The following SERPINB8 variants were observed in gnomAD, a reference collection of about 807,000 sequenced individuals.
SERPINB8 encodes the protein serpin B8.
SERPINB8 carries 25 observed loss-of-function variants against 35.3 expected under a neutral mutation model. The observed-to-expected ratio is 0.71, with a 90% CI of 0.52 to 0.99. The LOEUF is 0.99. Ranked by LOEUF, SERPINB8 falls within the 50% of genes least tolerant of loss-of-function variation. SERPINB8 has a pLI of 0.00. For synonymous variants in SERPINB8, 186 were observed against 160.8 expected (o/e 1.16, Z -1.19); for missense variants, 484 against 446.5 (o/e 1.08, Z -0.76).
In SERPINB8 at chr18:63,987,152, T is replaced by C. The variant is rs545610336; in HGVS notation, c.999T>C (p.Ala333=). 1 of 1,614,220 alleles carries C rather than the reference T, an allele frequency of 6.2e-7. No individual in the cohort carries two copies. Among genetic ancestry groups the C allele is most frequent in the Admixed American group, 1.7e-5 (1 of 60,016 alleles). ...EEGTEAAAAT[A]VVRNSRCSRM... is the part of the protein sequence containing the mutation. ...GCACAGAGGCTGCCGCAGCCACTGC[T>C]GTGGTCAGGAATTCCCGGTGCAGCA... The change falls in exon 7 of 7, where the codon GCT becomes GCC. Residue 333 remains alanine (A), a synonymous_variant. Transcript: ENST00000397985.
downstream of SERPINB8, among the ~76,000 whole-genome samples, chr18:63,989,807 G>A (rs2050812328): frequency 6.6e-6 from 1 of 150,816 alleles, no homozygotes; most frequent in Non-Finnish European, 1.5e-5. Flanking sequence ...GCTGGGCGTA[G>A]TGGTGGGCGC....
downstream of SERPINB8, among the ~76,000 whole-genome samples, chr18:63,990,969 G>GA (rs2050822353): frequency 6.6e-6 from 1 of 152,144 alleles, no homozygotes; most frequent in Admixed American, 6.5e-5. Flanking sequence ...TGCATATGAT[G>GA]AAAATGCTAT....
In SERPINB8 at chr18:63,997,867, G is replaced by A. The variant is rs188632421; in HGVS notation, c.71-6952G>A. Among the ~76,000 whole-genome samples, 613 of 152,258 alleles carry A rather than the reference G, an allele frequency of 4.0e-3. 5 individuals carry two copies. The highest frequency in any genetic ancestry group is 7.3e-3 in the Non-Finnish European group (499 of 68,030). ...CAGAGAGCTCCCTATGCTGACAAAG[G>A]CAATGAGCCAATCAAGGCAATGAGC... On this transcript the variant is annotated intron_variant, in intron 1 of 1. Coordinates refer to the SERPINB8 transcript ENST00000493661.
chr18:64,003,067 A>G (rs2050883708), intron 1 of SERPINB8, among the ~76,000 whole-genome samples: 2 of 152,146 alleles, frequency 1.3e-5, no homozygotes, highest in Admixed American at 1.3e-4. Context: ...GCACCTGCCT[A>G]CTGACACCTG....
chr18:63,973,404 T>C (rs967374102), intron 1 of SERPINB8, among the ~76,000 whole-genome samples: 12 of 152,244 alleles, frequency 7.9e-5, no homozygotes, highest in African/African-American at 2.9e-4. Context: ...CTTTGTCAGA[T>C]GGGTAGATTG....
At position 63,978,406 on chromosome 18, in the gene SERPINB8, T is replaced by C. The variant is rs1223478047; in HGVS notation, c.98T>C (p.Met33Thr). 1.2e-6 allele frequency: 2 copies of C among 1,614,108 alleles called. No individual in the cohort carries two copies. The highest frequency in any genetic ancestry group is 1.7e-6 in the Non-Finnish European group (2 of 1,180,042). Reference sequence around the variant, plus strand: ...TCAAGAAACGTATTCTTCTCTCCCATGAGCATCTCCTCTGCCCTGGCCATG... The same window carrying C: ...TCAAGAAACGTATTCTTCTCTCCCACGAGCATCTCCTCTGCCCTGGCCATG... ...DNSRNVFFSP[M>T]SISSALAMVF... Residue 33 changes from methionine to threonine, a missense_variant, in exon 2 of 7, where the codon ATG (methionine) becomes ACG (threonine). By Grantham distance (81) the Met-to-Thr change is moderately conservative. Transcript: ENST00000397985.
downstream of SERPINB8, chr18:63,989,399 C>T (rs1263304462): frequency 6.6e-6 from 1 of 152,052 alleles, no homozygotes; most frequent in African/African-American, 2.4e-5. Flanking sequence ...CATATGTCTT[C>T]ATTTCTTTTG....
downstream of SERPINB8, among the ~76,000 whole-genome samples, chr18:64,008,404 G>C (rs1051083635): frequency 1.3e-5 from 2 of 151,742 alleles, no homozygotes; most frequent in Non-Finnish European, 2.9e-5. Flanking sequence ...CACCACGCGG[G>C]CTAATTTTTT....
intron 4 of SERPINB8, among the ~76,000 whole-genome samples, chr18:63,982,658 A>G (rs948574801): frequency 6.6e-6 from 1 of 152,164 alleles, no homozygotes; most frequent in Non-Finnish European, 1.5e-5. Context: ...TTGTGTTTTC[A>G]TACATCATCT....
downstream of SERPINB8, among the ~76,000 whole-genome samples, chr18:64,007,877 A>G (rs2050907694): frequency 1.3e-5 from 2 of 152,182 alleles, no homozygotes; most frequent in Admixed American, 6.5e-5. Flanking sequence ...ACACAGACCC[A>G]ACCCATATCA....
At chr18:64,004,915 G>A (rs2050892840) in exon 2 of SERPINB8, 10 of 398,282 alleles carry the variant, frequency 2.5e-5, no homozygotes, top group Non-Finnish European at 4.4e-5. Context: ...ATTGAATTGA[G>A]GGATATTCTA....
intron 1 of SERPINB8, among the ~76,000 whole-genome samples, chr18:63,994,452 G>A (rs1356372947): frequency 6.6e-6 from 1 of 152,140 alleles, no homozygotes; most frequent in Non-Finnish European, 1.5e-5. Flanking sequence ...AGAGGTGCTG[G>A]TGGTTCATCT....
intron 7 of SERPINB8, among the ~76,000 whole-genome samples, chr18:64,017,304 T>C (rs931495744): frequency 1.3e-5 from 2 of 152,196 alleles, no homozygotes; most frequent in African/African-American, 2.4e-5. Flanking sequence ...TGAATTCTAG[T>C]GTAATTTTAA....
intron 1 of SERPINB8, among the ~76,000 whole-genome samples, chr18:63,974,093 G>T (rs1328805874): frequency 2.0e-5 from 3 of 152,162 alleles, no homozygotes; most frequent in African/African-American, 7.2e-5. Context: ...AGCTTTTAAA[G>T]CCAGCTTCTC....
chr18:63,978,628 G>A (rs950710625), intron 2 of SERPINB8, 152 bp downstream of exon 2: 12 of 768,418 alleles, frequency 1.6e-5, no homozygotes, highest in Non-Finnish European at 2.5e-5. Flanking sequence ...GAAAGGGGTA[G>A]AAAGGTGAAA....
chr18:63,990,927 T>G (rs2050822206), downstream of SERPINB8, among the ~76,000 whole-genome samples: 1 of 152,254 alleles, frequency 6.6e-6, no homozygotes, highest in African/African-American at 2.4e-5. Context: ...AATTTTCCTT[T>G]TTGGCCTATG....
chr18:63,995,886 G>C (rs1046584313), intron 1 of SERPINB8, among the ~76,000 whole-genome samples: 1 of 152,210 alleles, frequency 6.6e-6, no homozygotes, highest in Non-Finnish European at 1.5e-5. Context: ...TCCCTGACCA[G>C]CTAAAATTAG....
chr18:63,980,100 G>T (rs2050647539), intron 3 of SERPINB8, among the ~76,000 whole-genome samples, 162 bp downstream of exon 3: 1 of 152,182 alleles, frequency 6.6e-6, no homozygotes, highest in Non-Finnish European at 1.5e-5. Flanking sequence ...TACGTCCTTT[G>T]TAAATTGTTA....
At chr18:63,971,847 A>C (rs1230561620) in intron 1 of SERPINB8, among the ~76,000 whole-genome samples, 2 of 152,168 alleles carry the variant, frequency 1.3e-5, no homozygotes, top group East Asian at 3.8e-4. Context: ...CACGTGGCTC[A>C]CAGGAAACCA....
Sources: allele counts gnomAD v4.1 joint callset (sites outside exome capture counted in the v4.1 genomes callset), GRCh38; gene constraint gnomAD v4.1.1; transcripts MANE v1.5; gene names NCBI Gene and HGNC (gene_info 2026-07-23, HGNC 2026-07-21).